ADCK1: variants seen among roughly 807,000 people sequenced by gnomAD.
The protein encoded by ADCK1 is aarF domain-containing protein kinase 1.
Under a neutral mutation model 52.3 loss-of-function variants are expected in ADCK1, and 41 were observed. That is an observed-to-expected ratio of 0.78 (90% confidence interval 0.61 to 1.02). ADCK1 has a LOEUF of 1.02. Ranked by LOEUF, ADCK1 falls within the 50% of genes least tolerant of loss-of-function variation. The pLI, the probability that ADCK1 is intolerant of heterozygous loss-of-function variation, is 0.00. For missense variants in ADCK1, 658 were observed against 679.5 expected, an observed-to-expected ratio of 0.97 and a Z score of 0.35; for synonymous variants, 250 against 274.6, an observed-to-expected ratio of 0.91 and a Z score of 0.89.
At chr14:77,835,865 A>G (rs1404696181) in intron 3 of ADCK1, among the ~76,000 whole-genome samples, 2 of 150,084 alleles carry the variant, frequency 1.3e-5, no homozygotes, top group African/African-American at 4.9e-5. Flanking sequence ...AGAACTCCTG[A>G]GCTCAAACAT....
intron 3 of ADCK1, among the ~76,000 whole-genome samples, chr14:77,855,696 G>A (rs1231085187): frequency 6.6e-6 from 1 of 152,082 alleles, no homozygotes; most frequent in African/African-American, 2.4e-5. Flanking sequence ...TTTTTCTGAT[G>A]GACAGTACAC....
chr14:77,834,609 C>A (rs148504317), intron 3 of ADCK1, among the ~76,000 whole-genome samples: 1 of 152,220 alleles, frequency 6.6e-6, no homozygotes, highest in East Asian at 1.9e-4. Context: ...AACAAAACAA[C>A]CCCCTGGGTT....
intron 7 of ADCK1, among the ~76,000 whole-genome samples, chr14:77,912,859 C>T (rs552288740): frequency 2.6e-5 from 4 of 152,258 alleles, no homozygotes; most frequent in Middle Eastern, 6.8e-3. Context: ...CCCACTCGGC[C>T]CAATAGACTT....
chr14:77,864,196 G>T (rs944347874), intron 4 of ADCK1, among the ~76,000 whole-genome samples: 1 of 152,190 alleles, frequency 6.6e-6, no homozygotes, highest in Non-Finnish European at 1.5e-5. Context: ...GAGAGAAGGT[G>T]CAGGGGTACC....
At chr14:77,889,508 A>G (rs1399190797) in intron 5 of ADCK1, among the ~76,000 whole-genome samples, 2 of 152,214 alleles carry the variant, frequency 1.3e-5, no homozygotes, top group Non-Finnish European at 2.9e-5. Flanking sequence ...TGTTACTCCC[A>G]GATCATAGAC....
At chr14:77,909,968 C>A (rs1402653522) in intron 7 of ADCK1, among the ~76,000 whole-genome samples, 1 of 152,124 alleles carries the variant, frequency 6.6e-6, no homozygotes, top group East Asian at 1.9e-4. Flanking sequence ...TCCCTGATTT[C>A]ACTCTTCCTG....
At chr14:77,874,558 G>T (rs768082882) in intron 4 of ADCK1, among the ~76,000 whole-genome samples, 7 of 152,170 alleles carry the variant, frequency 4.6e-5, no homozygotes, top group Non-Finnish European at 1.0e-4. Flanking sequence ...GGCTGGGGTG[G>T]GGCAGGTGCT....
intron 2 of ADCK1, among the ~76,000 whole-genome samples, chr14:77,821,451 C>G (rs1467020623): frequency 6.6e-6 from 1 of 152,088 alleles, no homozygotes; most frequent in African/African-American, 2.4e-5. Context: ...AGTCCCTGAA[C>G]TTCTAGGGTC....
At position 77,887,173 on chromosome 14, in the gene ADCK1, A is replaced by T; in HGVS notation, c.506A>T (p.Asp169Val). ...CAGGTCCACAAGGCAGTGCTGCATG[A>T]TGGGCGGACGGTGGCCGTGAAGGTC... ...LAQVHKAVLH[D>V]GRTVAVKVQH... Residue 169 changes from aspartate (D) to valine (V), a missense_variant, in exon 5 of 11, where the codon GAT (aspartate) becomes GTT (valine). By Grantham distance (152) the Asp-to-Val change is radical. Coordinates refer to ENST00000238561, the MANE Select transcript of ADCK1 (RefSeq NM_020421.4). 6.2e-7 allele frequency: 1 copy of T among 1,610,686 alleles called. No individual in the cohort carries two copies. Among genetic ancestry groups the T allele is most frequent in the Non-Finnish European group, 8.5e-7 (1 of 1,178,372 alleles).
intron 1 of ADCK1, among the ~76,000 whole-genome samples, chr14:77,804,976 G>A (rs1001646357): frequency 1.3e-5 from 2 of 152,048 alleles, no homozygotes; most frequent in African/African-American, 2.4e-5. Flanking sequence ...GGAGGCTGGG[G>A]TAGGCGGATC....
chr14:77,924,271 C>A, intron 7 of ADCK1, 186 bp from the exon 8 acceptor site: 2 of 711,852 alleles, frequency 2.8e-6, no homozygotes, highest in Non-Finnish European at 4.4e-6. Context: ...TAAGGTGCAG[C>A]TAAAGTTAAG....
At chr14:77,922,919 C>G (rs903868914) in intron 7 of ADCK1, among the ~76,000 whole-genome samples, 5 of 152,158 alleles carry the variant, frequency 3.3e-5, no homozygotes, top group Non-Finnish European at 7.3e-5. Flanking sequence ...AACATCGAGG[C>G]AGGAACCACA....
Position 77,924,623 on chromosome 14 carries a change from T to C in ADCK1, c.1008+17T>C, listed in dbSNP as rs749612901. 5 of 1,611,292 alleles carry C rather than the reference T, an allele frequency of 3.1e-6. No individual in the cohort carries two copies. The highest frequency in any genetic ancestry group is 4.2e-6 in the Non-Finnish European group (5 of 1,179,954). ...CTTTACCAGGTAGAAGAGGCCTTTG[T>C]TACCCAGCCCTGGGGCCTCTGGGGT... is the stretch of plus-strand genomic sequence containing the variant. On this transcript the variant is annotated intron_variant, in intron 8 of 10. Transcript: ENST00000238561.
intron 7 of ADCK1, chr14:77,914,666 C>A: frequency 1.2e-6 from 1 of 861,632 alleles, no homozygotes; most frequent in Non-Finnish European, 1.4e-6. Flanking sequence ...AAGCAACATC[C>A]TCTGAGTGTG....
intron 3 of ADCK1, among the ~76,000 whole-genome samples, chr14:77,835,098 G>A (rs1314352518): frequency 6.6e-6 from 1 of 152,206 alleles, no homozygotes; most frequent in Non-Finnish European, 1.5e-5. Context: ...GTAGGCATAA[G>A]CTAGGACTTC....
At chr14:77,809,423 G>A (rs1566624360) in intron 1 of ADCK1, among the ~76,000 whole-genome samples, 2 of 152,000 alleles carry the variant, frequency 1.3e-5, no homozygotes, top group African/African-American at 4.8e-5. Context: ...ACCGCCTCCC[G>A]GGTTCAAGCG....
chr14:77,925,701 A>G, intron 8 of ADCK1, 63 bp from the exon 9 acceptor site: 1 of 1,547,282 alleles, frequency 6.5e-7, no homozygotes, highest in Non-Finnish European at 8.9e-7. Flanking sequence ...GGCATCAGCC[A>G]GGGACTTGGG....
intron 3 of ADCK1, among the ~76,000 whole-genome samples, chr14:77,833,792 A>T (rs2081906618): frequency 6.6e-6 from 1 of 152,126 alleles, no homozygotes; most frequent in Non-Finnish European, 1.5e-5. Flanking sequence ...CTCACTGTGT[A>T]GTGGCTTCTC....
At position 77,907,796 on chromosome 14, in the gene ADCK1, A is replaced by C. The variant is rs751452010; in HGVS notation, c.742-7A>C. On this transcript the variant is annotated splice_polypyrimidine_tract_variant and splice_region_variant and intron_variant, in intron 6 of 10. Transcript: ENST00000238561. ...CAGACCATCTGACCTGTCCCTTCCT[A>C]TCCCAGGTCCCCCGAATCCACTGGG... The C allele has an allele frequency of 6.2e-7, 1 of 1,609,902 alleles. No individual in the cohort carries two copies. The highest frequency in any genetic ancestry group is 1.3e-5 in the African/African-American group (1 of 74,762).
Sources: allele counts gnomAD v4.1 joint callset (sites outside exome capture counted in the v4.1 genomes callset), GRCh38; gene constraint gnomAD v4.1.1; transcripts MANE v1.5; gene names NCBI Gene and HGNC (gene_info 2026-07-23, HGNC 2026-07-21).